KDM2B: variants seen among roughly 807,000 people sequenced by gnomAD.
KDM2B encodes lysine demethylase 2B.
KDM2B carries 26 observed loss-of-function variants against 150.0 expected under a neutral mutation model. The ratio of observed to expected loss-of-function variants is 0.17; its 90% CI spans 0.13 to 0.24. KDM2B has a LOEUF of 0.24. Among genes scored for constraint, KDM2B ranks in the 10% least tolerant of loss-of-function variants. The probability of loss-of-function intolerance (pLI) is 1.00; values close to 1 mark genes in which losing one functional copy is unlikely to be tolerated. For missense variants in KDM2B, 1,265 were observed against 1,816.9 expected, an observed-to-expected ratio of 0.70 and a Z score of 5.52; for synonymous variants, 734 against 729.5, an observed-to-expected ratio of 1.01 and a Z score of -0.10.
At chr12:121,552,738 T>C (rs1166414568) in intron 4 of KDM2B, among the ~76,000 whole-genome samples, 1 of 150,812 alleles carries the variant, frequency 6.6e-6, no homozygotes, top group Admixed American at 6.6e-5. Flanking sequence ...CCATGGACCC[T>C]AGGAAGCAGT....
the KDM2B span, among the ~76,000 whole-genome samples, chr12:121,422,645 G>C: frequency 3.9e-5 from 6 of 152,304 alleles, 1 homozygote; most frequent in South Asian, 6.2e-4. Flanking sequence ...AACTATTCAT[G>C]ATTCCCTTTG....
At chr12:121,516,892 A>C in intron 9 of KDM2B, 1 of 307,056 alleles carries the variant, frequency 3.3e-6, no homozygotes, top group Non-Finnish European at 6.1e-6. Context: ...AAATCAATGG[A>C]AAAAAAAAAA....
At chr12:121,508,574 A>G (rs1885298881) in intron 11 of KDM2B, among the ~76,000 whole-genome samples, 1 of 152,176 alleles carries the variant, frequency 6.6e-6, no homozygotes, top group Non-Finnish European at 1.5e-5. Context: ...GGAGAAGGAC[A>G]CCCAGACGCC....
At chr12:121,422,002 A>T in the KDM2B span, among the ~76,000 whole-genome samples, 3 of 152,232 alleles carry the variant, frequency 2.0e-5, no homozygotes, top group African/African-American at 7.2e-5. Flanking sequence ...AGGAATCTTC[A>T]TCCTCAGAGC....
chr12:121,430,511 G>T lies in KDM2B; in HGVS notation c.3830-42C>A. 6.6e-7 allele frequency: 1 copy of T among 1,512,812 alleles called. No individual in the cohort carries two copies. Among genetic ancestry groups the T allele is most frequent in the Non-Finnish European group, 9.2e-7 (1 of 1,088,674 alleles). The allele number at this position is 1,512,812 out of a possible 1,614,324, so 93.7% of individuals were successfully genotyped here. The stretch of plus-strand genomic sequence containing the variant: ...GTAATGTGAGGTGTGAAGGCCAGGA[G>T]CCAGAAGCCCCCCCGCCGCCAGACC... On this transcript the variant is annotated intron_variant, in intron 22 of 22. Transcript: ENST00000377071. This position sits in a 1 kb window ranked among gnomAD's most constrained non-coding sequence, Gnocchi z 4.4.
At chr12:121,517,357 C>T (rs1413406729) in intron 9 of KDM2B, among the ~76,000 whole-genome samples, 2 of 152,076 alleles carry the variant, frequency 1.3e-5, no homozygotes, top group Non-Finnish European at 1.5e-5. Context: ...CCTATCATCT[C>T]GCCAGAAAAA....
chr12:121,516,493 TC>T (rs1282603315), intron 9 of KDM2B: 17 of 1,378,480 alleles, frequency 1.2e-5, no homozygotes, highest in Non-Finnish European at 1.4e-5. Context: ...CTTCCACCCT[TC>T]GCCTTCAAAA....
chr12:121,549,484 C>T lies in KDM2B; in HGVS notation c.552G>A (p.Glu184=), dbSNP rs1889321075. 2 of 1,606,254 alleles carry T rather than the reference C, an allele frequency of 1.2e-6. No homozygotes were observed. Among genetic ancestry groups the T allele is most frequent in the African/African-American group, 2.7e-5 (2 of 74,760 alleles). Residue 184 remains glutamate (E), a synonymous_variant, in exon 5 of 23, where the codon GAG becomes GAA. Transcript: ENST00000377071. The surrounding 1 kb of genome is among the most constrained non-coding windows in gnomAD (Gnocchi z 4.4). ...ISLEFSHTKL[E]HLVKRPTVVD... ...CCACAGTCGGACGCTTGACCAAGTG[C>T]TCCAGCTTGGTGTGGCTGAACTCTA...
intron 10 of KDM2B, among the ~76,000 whole-genome samples, chr12:121,511,042 G>A (rs1317910702): frequency 3.3e-5 from 5 of 149,778 alleles, no homozygotes; most frequent in East Asian, 2.0e-4. Flanking sequence ...ACAGAGTCTC[G>A]CTCTGTCACC....
At chr12:121,530,210 AG>A (rs1298192655) in intron 8 of KDM2B, among the ~76,000 whole-genome samples, 13 of 147,150 alleles carry the variant, frequency 8.8e-5, no homozygotes, top group Non-Finnish European at 1.6e-4. Context: ...CCTGGGCAAC[AG>A]AGCAAGACTC....
At chr12:121,571,731 AC>A (rs1292184102) in intron 4 of KDM2B, among the ~76,000 whole-genome samples, 2 of 148,674 alleles carry the variant, frequency 1.3e-5, no homozygotes, top group African/African-American at 5.0e-5. Flanking sequence ...GCTCACTACA[AC>A]CTCTGCCTCC....
rs145895772 is a variant in KDM2B at position 121,481,935 on chromosome 12, C to T, written c.1734+12644G>A. ...CTGGGATTACGGGCACCCGGCACCACATCCAGCTAATTTTTTAGTATTTTT... is the reference window on the plus strand; with the variant it reads ...CTGGGATTACGGGCACCCGGCACCATATCCAGCTAATTTTTTAGTATTTTT... On this transcript the variant is annotated intron_variant, in intron 12 of 22. Coordinates refer to ENST00000377071, the MANE Select transcript of KDM2B (RefSeq NM_032590.5). Among the ~76,000 whole-genome samples, 4 of 152,264 alleles carry T rather than the reference C, an allele frequency of 2.6e-5. No individual in the cohort carries two copies. The East Asian group carries it at 7.7e-4, about 29-fold the overall frequency.
At chr12:121,489,839 T>A (rs1883170105) in intron 12 of KDM2B, among the ~76,000 whole-genome samples, 1 of 152,000 alleles carries the variant, frequency 6.6e-6, no homozygotes, top group Non-Finnish European at 1.5e-5. Flanking sequence ...TTTTCACAAG[T>A]CCCCCAGGTG....
chr12:121,491,498 A>G (rs1333844058), intron 12 of KDM2B, among the ~76,000 whole-genome samples: 3 of 151,938 alleles, frequency 2.0e-5, no homozygotes, highest in Non-Finnish European at 4.4e-5. Context: ...TTATTTTTAA[A>G]ATATTTATTT....
At chr12:121,529,179 A>G (rs1887416152) in intron 8 of KDM2B, among the ~76,000 whole-genome samples, 1 of 152,234 alleles carries the variant, frequency 6.6e-6, no homozygotes, top group Admixed American at 6.5e-5. Context: ...TTTAACATAC[A>G]CATGTCGATA....
In KDM2B at chr12:121,452,029, T is replaced by G. The variant is rs990342226; in HGVS notation, c.1959+1091A>C. Reference sequence around the variant, plus strand: ...ACCCTGAGGACTTTATGCTCAGGGCTATAAACAAGCCAATCCAATCACAGA... The same window carrying G: ...ACCCTGAGGACTTTATGCTCAGGGCGATAAACAAGCCAATCCAATCACAGA... On this transcript the variant is annotated intron_variant, in intron 13 of 22. Coordinates refer to ENST00000377071, the MANE Select transcript of KDM2B (RefSeq NM_032590.5). The surrounding 1 kb of genome is among the most constrained non-coding windows in gnomAD (Gnocchi z 4.4). Among the ~76,000 whole-genome samples, 17 of 152,180 alleles carry G rather than the reference T, an allele frequency of 1.1e-4. No individual in the cohort carries two copies. Among genetic ancestry groups the G allele is most frequent in the African/African-American group, 4.1e-4 (17 of 41,444 alleles).
chr12:121,494,224 G>C (rs1336437173), intron 12 of KDM2B: 1 of 231,736 alleles, frequency 4.3e-6, no homozygotes, highest in Admixed American at 5.5e-5. Flanking sequence ...TTCAAAAGAG[G>C]AGAAGACAGC....
At chr12:121,530,439 T>C (rs1156890039) in intron 8 of KDM2B, among the ~76,000 whole-genome samples, 1 of 152,126 alleles carries the variant, frequency 6.6e-6, no homozygotes, top group South Asian at 2.1e-4. Context: ...AAATTATAAG[T>C]TGGCAACTCT....
rs543023827 is a variant in KDM2B, at chr12:121,454,781, T to C, written c.1735-1437A>G. 7.6e-4 allele frequency among the ~76,000 whole-genome samples: 115 copies of C among 152,208 alleles called. 2 individuals carry two copies. The South Asian group carries it at 0.012, about 16-fold the overall frequency. On this transcript the variant is annotated intron_variant, in intron 12 of 22. Coordinates refer to ENST00000377071, the MANE Select transcript of KDM2B (RefSeq NM_032590.5). ...CCACCCTCTTCATTTCAGTGACTTG[T>C]CATACTTGAATCCCCAAACAAAACC...
Sources: allele counts gnomAD v4.1 joint callset (sites outside exome capture counted in the v4.1 genomes callset), GRCh38; gene constraint gnomAD v4.1.1; non-coding constraint Gnocchi (gnomAD v3.1); transcripts MANE v1.5; gene names NCBI Gene and HGNC (gene_info 2026-07-23, HGNC 2026-07-21).